LRCH2: variants seen among roughly 807,000 people sequenced by gnomAD.
The protein encoded by LRCH2 is leucine rich repeats and calponin homology domain containing 2, also known as leucine-rich repeat and calponin homology domain-containing protein 2.
Under a neutral mutation model 68.9 loss-of-function variants are expected in LRCH2, and 38 were observed. The ratio of observed to expected loss-of-function variants is 0.55; its 90% CI spans 0.43 to 0.72. LRCH2 has a LOEUF of 0.72. Among genes scored for constraint, LRCH2 ranks in the 30% least tolerant of loss-of-function variants. The probability of loss-of-function intolerance (pLI) is 0.00; values close to 1 mark genes in which losing one functional copy is unlikely to be tolerated. For missense variants in LRCH2, 528 were observed against 572.9 expected (o/e 0.92, Z 0.80); for synonymous variants, 191 against 208.1 (o/e 0.92, Z 0.71).
intron 5 of LRCH2, among the ~76,000 whole-genome samples, chrX:115,174,382 C>T (rs1409667690): frequency 6.3e-5 from 7 of 110,263 alleles, no homozygotes; most frequent in Non-Finnish European, 1.3e-4. Context: ...CCCCCAGCCC[C>T]TGGTAACCAC....
chrX:115,144,882 A>C (rs150916392), intron 14 of LRCH2, among the ~76,000 whole-genome samples: 9 of 112,139 alleles, frequency 8.0e-5, no homozygotes, highest in African/African-American at 2.9e-4. Flanking sequence ...AGAGCAATCT[A>C]TAGATTCAAT....
intron 1 of LRCH2, among the ~76,000 whole-genome samples, chrX:115,231,986 A>G (rs1456389417): frequency 9.0e-6 from 1 of 111,711 alleles, no homozygotes; most frequent in East Asian, 2.8e-4. Context: ...TGGGGCTTCA[A>G]TAAAATTAAA....
At chrX:115,116,343 T>C (rs782259914) in intron 20 of LRCH2, among the ~76,000 whole-genome samples, 25 of 111,499 alleles carry the variant, frequency 2.2e-4, no homozygotes, top group African/African-American at 8.1e-4. Context: ...ACATGTGGTA[T>C]GTATTTAGAA....
Position 115,179,447 on chromosome X carries a change from A to G in LRCH2, c.844T>C (p.Leu282=). 7.1e-6 allele frequency: 8 copies of G among 1,134,423 alleles called. No individual in the cohort carries two copies. The highest frequency in any genetic ancestry group is 9.3e-6 in the Non-Finnish European group (8 of 858,985). The allele number at this position is 1,134,423 out of a possible 1,213,427, so 93.5% of individuals were successfully genotyped here. Residue 282 remains leucine (L), a synonymous_variant, in exon 5 of 21, where the codon TTG becomes CTG. Coordinates refer to ENST00000317135, the MANE Select transcript of LRCH2 (RefSeq NM_020871.4). The part of the protein sequence containing the change: ...LQVIILDNNP[L]QVPPAQICLK... Reference sequence around the variant, plus strand: ...CAAACCTGTGCTGGTGGTACTTGCAATGGATTGTTATCCAAAATTATTACT... The same window carrying G: ...CAAACCTGTGCTGGTGGTACTTGCAGTGGATTGTTATCCAAAATTATTACT...
intron 14 of LRCH2, among the ~76,000 whole-genome samples, chrX:115,147,122 C>T (rs2072392081): frequency 9.0e-6 from 1 of 111,338 alleles, no homozygotes; most frequent in African/African-American, 3.3e-5. Context: ...TGAACAAACT[C>T]AGTGATAATC....
At chrX:115,155,826 G>GT (rs2072470327) in intron 12 of LRCH2, among the ~76,000 whole-genome samples, 1 of 111,731 alleles carries the variant, frequency 9.0e-6, no homozygotes, top group African/African-American at 3.2e-5. Flanking sequence ...AATGCAAATG[G>GT]TGCCAGTGGG....
intron 1 of LRCH2, among the ~76,000 whole-genome samples, chrX:115,229,197 C>G (rs1380778070): frequency 1.8e-5 from 2 of 111,308 alleles, no homozygotes; most frequent in African/African-American, 6.5e-5. Flanking sequence ...GAATAAATAA[C>G]CTATTTATTG....
chrX:115,182,930 A>G (rs1443103232), intron 3 of LRCH2, among the ~76,000 whole-genome samples: 1 of 109,851 alleles, frequency 9.1e-6, no homozygotes, highest in Admixed American at 9.8e-5. Flanking sequence ...CATTATCTAT[A>G]TTTCTTCACA....
chrX:115,175,546 A>T (rs1381843602), intron 5 of LRCH2, among the ~76,000 whole-genome samples: 1 of 111,790 alleles, frequency 8.9e-6, no homozygotes, highest in Non-Finnish European at 1.9e-5. Flanking sequence ...ACATTTCTAC[A>T]CTGCTGTCCC....
chrX:115,138,669 C>G (rs1453053968), intron 14 of LRCH2, among the ~76,000 whole-genome samples: 2 of 111,656 alleles, frequency 1.8e-5, no homozygotes, highest in Non-Finnish European at 3.8e-5. Flanking sequence ...AGATGATATA[C>G]TTAAGAACTT....
chrX:115,191,027 C>G (rs2072803864), intron 1 of LRCH2: 5 of 1,165,405 alleles, frequency 4.3e-6, no homozygotes, highest in Non-Finnish European at 5.7e-6. Flanking sequence ...TCACCCGACA[C>G]CCACAGTGGG....
chrX:115,125,607 G>GTATATATA lies in LRCH2; in HGVS notation c.1791+1228_1791+1235dup, dbSNP rs200758748. Among the ~76,000 whole-genome samples, 55 of 18,497 alleles carry GTATATATA rather than the reference G, an allele frequency of 3.0e-3. 5 individuals carry two copies. The highest frequency in any genetic ancestry group is 4.3e-3 in the Non-Finnish European group (50 of 11,554). The allele number at this position is 18,497 out of a possible 115,157, so 16.1% of individuals were successfully genotyped here. A position where few individuals can be genotyped will look rare whatever the true frequency, so the allele number is the denominator to read the frequency against. On this transcript the variant is annotated intron_variant, in intron 16 of 20. Coordinates refer to ENST00000317135, the MANE Select transcript of LRCH2 (RefSeq NM_020871.4). ...CATATATATATACACATATATATAC[G>GTATATATA]TATATATATATGTATATATATACAT...
chrX:115,146,984 T>C (rs1221283655), intron 14 of LRCH2, among the ~76,000 whole-genome samples: 5 of 93,234 alleles, frequency 5.4e-5, no homozygotes, highest in Non-Finnish European at 8.4e-5. Flanking sequence ...TGAATAACCA[T>C]GACAAATAAT....
intron 5 of LRCH2, among the ~76,000 whole-genome samples, chrX:115,172,162 ACAC>A (rs1290810630): frequency 1.8e-5 from 2 of 111,184 alleles, no homozygotes; most frequent in African/African-American, 6.6e-5. Flanking sequence ...TACATTACCC[ACAC>A]CACCACCACC....
chrX:115,148,562 A>T (rs2072406574), intron 14 of LRCH2, among the ~76,000 whole-genome samples: 1 of 112,133 alleles, frequency 8.9e-6, no homozygotes, highest in South Asian at 3.7e-4. Context: ...ACCATCAGTC[A>T]TTCACTAAGT....
At chrX:115,156,742 A>C in intron 11 of LRCH2, 75 bp from the exon 12 acceptor site, 1 of 581,037 alleles carries the variant, frequency 1.7e-6, no homozygotes, top group Non-Finnish European at 2.5e-6. Context: ...AAAATCTCTA[A>C]AATAAACTGC....
At chrX:115,118,852 G>A (rs1310629324) in intron 20 of LRCH2, among the ~76,000 whole-genome samples, 4 of 110,538 alleles carry the variant, frequency 3.6e-5, no homozygotes, top group Non-Finnish European at 3.8e-5. Context: ...TGGGATGCAA[G>A]GCTGGTTCAA....
intron 15 of LRCH2, among the ~76,000 whole-genome samples, chrX:115,128,986 A>T (rs1017280417): frequency 5.3e-5 from 6 of 112,431 alleles, no homozygotes; most frequent in Non-Finnish European, 1.1e-4. Flanking sequence ...GCCACTACAC[A>T]AACTGTCGGA....
intron 14 of LRCH2, among the ~76,000 whole-genome samples, chrX:115,131,330 C>A (rs982970222): frequency 2.8e-5 from 3 of 106,939 alleles, no homozygotes; most frequent in Non-Finnish European, 5.8e-5. Flanking sequence ...TGTTCAATTC[C>A]CACCTACGAC....
Sources: allele counts gnomAD v4.1 joint callset (sites outside exome capture counted in the v4.1 genomes callset), GRCh38; gene constraint gnomAD v4.1.1; transcripts MANE v1.5; gene names NCBI Gene and HGNC (gene_info 2026-07-23, HGNC 2026-07-21).